The following UBTD1 variants were observed in gnomAD, a reference collection of about 807,000 sequenced individuals.
UBTD1 encodes ubiquitin domain containing 1, also known as ubiquitin domain-containing protein 1.
UBTD1 carries 19 observed loss-of-function variants against 21.7 expected under a neutral mutation model. The ratio of observed to expected loss-of-function variants is 0.87; its 90% CI spans 0.61 to 1.28. The LOEUF is 1.28. Among genes scored for constraint, UBTD1 ranks in the 50% most tolerant of loss-of-function variants. UBTD1 has a pLI of 0.00. For missense variants in UBTD1, 282 were observed against 315.1 expected (o/e 0.89, Z 0.80); for synonymous variants, 116 against 135.1 (o/e 0.86, Z 0.98).
chr10:97,520,854 G>A (rs1320209642), intron 1 of UBTD1, among the ~76,000 whole-genome samples: 1 of 152,164 alleles, frequency 6.6e-6, no homozygotes, highest in Non-Finnish European at 1.5e-5. Flanking sequence ...AGGAGAGAGA[G>A]GCCGTGTCCA....
chr10:97,505,435 G>A (rs149172612), intron 1 of UBTD1, among the ~76,000 whole-genome samples: 37 of 152,284 alleles, frequency 2.4e-4, no homozygotes, highest in Middle Eastern at 3.4e-3. Flanking sequence ...TTTCTTGAGT[G>A]GTAATCTTGG....
intron 1 of UBTD1, among the ~76,000 whole-genome samples, chr10:97,519,658 G>GA (rs1490750730): frequency 6.6e-6 from 1 of 152,080 alleles, no homozygotes; most frequent in Non-Finnish European, 1.5e-5. Flanking sequence ...TTTAGCTTTG[G>GA]AAAAATATAT....
intron 1 of UBTD1, among the ~76,000 whole-genome samples, chr10:97,539,114 G>C (rs1052329150): frequency 6.6e-5 from 10 of 152,150 alleles, no homozygotes; most frequent in African/African-American, 2.4e-4. Context: ...CAGCACAAGC[G>C]GGTTTCTCTT....
intron 1 of UBTD1, among the ~76,000 whole-genome samples, chr10:97,548,011 CACTT>C (rs1220692832): frequency 6.6e-6 from 1 of 152,116 alleles, no homozygotes; most frequent in Non-Finnish European, 1.5e-5. Context: ...AGAGTGGTCT[CACTT>C]AATCCTTACA....
intron 1 of UBTD1, among the ~76,000 whole-genome samples, chr10:97,514,009 TTC>T (rs2040432921): frequency 6.7e-6 from 1 of 148,594 alleles, no homozygotes; most frequent in Admixed American, 6.7e-5. Flanking sequence ...TTTCTTTTCT[TTC>T]TTTCTTTTTT....
intron 1 of UBTD1, among the ~76,000 whole-genome samples, chr10:97,530,128 A>T (rs2040521574): frequency 6.6e-6 from 1 of 152,154 alleles, no homozygotes; most frequent in African/African-American, 2.4e-5. Flanking sequence ...TGACCTTGAG[A>T]GCCTTAGTGA....
At chr10:97,547,044 G>A (rs1456949848) in intron 1 of UBTD1, among the ~76,000 whole-genome samples, 2 of 152,154 alleles carry the variant, frequency 1.3e-5, no homozygotes, top group Non-Finnish European at 2.9e-5. Flanking sequence ...CTTTAAGGTC[G>A]CTCCCAGCTT....
rs1206207775 is a variant in UBTD1, at chr10:97,528,581, C to T, written c.70+29308C>T. On this transcript the variant is annotated intron_variant, in intron 1 of 2. Transcript: ENST00000370664. The stretch of plus-strand genomic sequence containing the variant: ...GGCTCGCCTGGCGGGGGGCTCACCC[C>T]CCCACCTCCCTCCCGAACGGGGCGG... Among the ~76,000 whole-genome samples the T allele has an allele frequency of 2.3e-5, 2 of 88,130 alleles. 1 individual carries two copies. Among genetic ancestry groups the T allele is most frequent in the African/African-American group, 7.8e-5 (2 of 25,536 alleles). 57.8% of individuals were successfully genotyped at this position (88,130 alleles called of 152,430 possible). A position where few individuals can be genotyped will look rare whatever the true frequency, so the allele number is the denominator to read the frequency against.
intron 1 of UBTD1, among the ~76,000 whole-genome samples, chr10:97,564,676 GC>G (rs1299324576): frequency 1.3e-5 from 2 of 152,124 alleles, no homozygotes; most frequent in African/African-American, 4.8e-5. Context: ...TGATTCTCCT[GC>G]CTCAGCCTCC....
At chr10:97,529,704 A>G (rs1414175439) in intron 1 of UBTD1, among the ~76,000 whole-genome samples, 1 of 152,174 alleles carries the variant, frequency 6.6e-6, no homozygotes, top group African/African-American at 2.4e-5. Flanking sequence ...AGCACAGTCC[A>G]GCTTCGGCTC....
chr10:97,534,847 C>T (rs556288043), intron 1 of UBTD1, among the ~76,000 whole-genome samples: 62 of 152,354 alleles, frequency 4.1e-4, no homozygotes, highest in African/African-American at 1.4e-3. Flanking sequence ...CTCCAGCCCA[C>T]ACCTCTGCCC....
chr10:97,503,073 C>T (rs1340224868), intron 1 of UBTD1, among the ~76,000 whole-genome samples: 4 of 151,938 alleles, frequency 2.6e-5, no homozygotes, highest in Admixed American at 6.6e-5. Context: ...TGCACCACCA[C>T]GCCCAGCTAA....
At chr10:97,526,923 G>A (rs2135666788) in intron 1 of UBTD1, among the ~76,000 whole-genome samples, 1 of 150,056 alleles carries the variant, frequency 6.7e-6, no homozygotes, top group East Asian at 2.0e-4. Context: ...TGTAATCCCA[G>A]CACTTTGGGA....
chr10:97,532,460 A>AC (rs1195057034), intron 1 of UBTD1, among the ~76,000 whole-genome samples: 1 of 152,154 alleles, frequency 6.6e-6, no homozygotes, highest in African/African-American at 2.4e-5. Context: ...AGCCTGACCA[A>AC]CATGGAGAAA....
chr10:97,565,111 T>A (rs1216507651), intron 1 of UBTD1, among the ~76,000 whole-genome samples: 1 of 152,220 alleles, frequency 6.6e-6, no homozygotes, highest in Non-Finnish European at 1.5e-5. Flanking sequence ...GCACATGTTC[T>A]CAGAACCTCT....
At chr10:97,517,757 G>T (rs2040450770) in intron 1 of UBTD1, among the ~76,000 whole-genome samples, 2 of 152,214 alleles carry the variant, frequency 1.3e-5, no homozygotes, top group Non-Finnish European at 1.5e-5. Context: ...GTCCCTGGGG[G>T]TGAGTAGAGA....
At chr10:97,564,870 T>G (rs1184652815) in intron 1 of UBTD1, among the ~76,000 whole-genome samples, 2 of 152,150 alleles carry the variant, frequency 1.3e-5, no homozygotes, top group Non-Finnish European at 2.9e-5. Flanking sequence ...AGCCCACAAC[T>G]CCTTATCTTA....
intron 1 of UBTD1, among the ~76,000 whole-genome samples, chr10:97,504,977 GGGTC>G (rs1340086977): frequency 6.6e-6 from 1 of 152,114 alleles, no homozygotes; most frequent in African/African-American, 2.4e-5. Flanking sequence ...CTCACTATTG[GGGTC>G]CTAACCAGGC....
In UBTD1 at chr10:97,570,247, G is replaced by A. The variant is rs754687089; in HGVS notation, c.408G>A (p.Leu136=). ...LLLEHTEEES[L]EPPEPPPSVR... Reference sequence around the variant, plus strand: ...TGGAGCACACGGAGGAGGAGAGCCTGGAGCCCCCCGAGCCTCCACCCAGCG... The same window carrying A: ...TGGAGCACACGGAGGAGGAGAGCCTAGAGCCCCCCGAGCCTCCACCCAGCG... The change falls in exon 3 of 3, where the codon CTG becomes CTA. Residue 136 remains leucine (L), a synonymous_variant. Transcript: ENST00000370664. This position sits in a 1 kb window ranked among gnomAD's most constrained non-coding sequence, Gnocchi z 6.6. The A allele has an allele frequency of 1.9e-6, 3 of 1,613,182 alleles. No homozygotes were observed. Among genetic ancestry groups the A allele is most frequent in the Non-Finnish European group, 2.5e-6 (3 of 1,180,016 alleles).
Sources: gnomAD v4.1 joint callset for allele counts (sites outside exome capture counted in the v4.1 genomes callset) on GRCh38, gnomAD v4.1.1 for gene constraint, Gnocchi (gnomAD v3.1) non-coding constraint, MANE v1.5 for transcripts, NCBI Gene and HGNC (gene_info 2026-07-23, HGNC 2026-07-21) for gene names.